CCNL2: variants seen among roughly 807,000 people sequenced by gnomAD.
The protein encoded by CCNL2 is cyclin L2.
Under a neutral mutation model 59.1 loss-of-function variants are expected in CCNL2, and 28 were observed. That is an observed-to-expected ratio of 0.47 (90% CI 0.35 to 0.65). The LOEUF (loss-of-function observed/expected upper bound fraction) is 0.65. Among genes scored for constraint, CCNL2 ranks in the 30% least tolerant of loss-of-function variants. The pLI is 0.00. For missense variants in CCNL2, 714 were observed against 717.4 expected (o/e 1.00, Z 0.05); for synonymous variants, 342 against 288.6 (o/e 1.19, Z -1.88).
At chr1:1,397,683 A>C (rs144609289) in intron 3 of CCNL2, among the ~76,000 whole-genome samples, 2 of 152,252 alleles carry the variant, frequency 1.3e-5, no homozygotes, top group African/African-American at 4.8e-5. Context: ...GCAACACAGC[A>C]TGACCCCATC....
In CCNL2 at chr1:1,387,053, T is replaced by G. The variant is rs559498424; in HGVS notation, c.*178A>C. The G allele has an allele frequency of 1.7e-6, 1 of 581,742 alleles. No individual in the cohort carries two copies. Among genetic ancestry groups the G allele is most frequent in the Admixed American group, 3.0e-5 (1 of 32,898 alleles). The allele number at this position is 581,742 out of a possible 1,614,324, so 36.0% of individuals were successfully genotyped here. The stretch of plus-strand genomic sequence containing the variant: ...AAGCACGTGTCACCGGTCCCTCAGT[T>G]CCATTTCCAAATCCACCAAGGTCCA... On this transcript the variant is annotated 3_prime_UTR_variant, in exon 11 of 11. Transcript: ENST00000400809.
At chr1:1,391,035 C>G in intron 5 of CCNL2, 170 bp from the exon 6 acceptor site, 2 of 934,936 alleles carry the variant, frequency 2.1e-6, no homozygotes, top group South Asian at 4.3e-5. Context: ...GAGAAATATT[C>G]TAGCTGCTTT....
chr1:1,388,143 G>A (rs1328026429), intron 8 of CCNL2, 78 bp from the exon 9 acceptor site: 2 of 1,195,512 alleles, frequency 1.7e-6, no homozygotes. Flanking sequence ...AGCGAGATAA[G>A]GCCCCTCTAC....
At chr1:1,394,275 C>T (rs1644898503) in intron 4 of CCNL2, among the ~76,000 whole-genome samples, 1 of 152,098 alleles carries the variant, frequency 6.6e-6, no homozygotes, top group Non-Finnish European at 1.5e-5. Context: ...AAAACAAGTG[C>T]TTTGTTTCCA....
In CCNL2 at chr1:1,392,564, A is replaced by C. The variant is rs951103306; in HGVS notation, c.659+832T>G. ...TTTTAAAGGGACAAAATTCAAGTCAAGACAGTTACCAACTCTAATCAATAC... is the reference window on the plus strand; with the variant it reads ...TTTTAAAGGGACAAAATTCAAGTCACGACAGTTACCAACTCTAATCAATAC... On this transcript the variant is annotated intron_variant, in intron 5 of 10. Transcript: ENST00000400809. 5.0e-6 allele frequency: 7 copies of C among 1,402,514 alleles called. No individual in the cohort carries two copies. The Admixed American group carries it at 2.2e-4, about 45-fold the overall frequency. The allele number at this position is 1,402,514 out of a possible 1,614,324, so 86.9% of individuals were successfully genotyped here. A position where few individuals can be genotyped will look rare whatever the true frequency, so the allele number is the denominator to read the frequency against.
rs1036641676 is a variant in CCNL2 at position 1,387,123 on chromosome 1, C to T, written c.*108G>A. ...AAGAATCCTGTTCTAGGACCACTTG[C>T]GCTGAGAGCACACCCGGGGGTCAAA... On this transcript the variant is annotated 3_prime_UTR_variant, in exon 11 of 11. Coordinates refer to ENST00000400809, the MANE Select transcript of CCNL2 (RefSeq NM_030937.6). The T allele has an allele frequency of 1.0e-4, 83 of 813,240 alleles. No individual in the cohort carries two copies. The highest frequency in any genetic ancestry group is 2.0e-4 in the East Asian group (8 of 40,632). 50.4% of individuals were successfully genotyped at this position (813,240 alleles called of 1,614,324 possible).
intron 3 of CCNL2, among the ~76,000 whole-genome samples, chr1:1,397,101 C>T (rs574675866): frequency 6.6e-6 from 1 of 152,126 alleles, no homozygotes; most frequent in Non-Finnish European, 1.5e-5. Flanking sequence ...AGGCTGGTCT[C>T]GAACTCCTGA....
At position 1,399,226 on chromosome 1, in the gene CCNL2, G is replaced by A. The variant is rs758244726; in HGVS notation, c.81C>T (p.Gly27=). The A allele has an allele frequency of 3.8e-6, 6 of 1,597,956 alleles. No individual in the cohort carries two copies. In the South Asian group the frequency reaches 5.6e-5, roughly 15 times the overall value. ...AAAAGAPGSG[G]APSGSQGVLI... ...GCACCCCCTGCGACCCTGAGGGTGC[G>A]CCCCCAGATCCCGGGGCGCCGGCCG... The change falls in exon 1 of 11, where the codon GGC becomes GGT. Residue 27 remains glycine (G), a synonymous_variant. Coordinates refer to ENST00000400809, the MANE Select transcript of CCNL2 (RefSeq NM_030937.6).
chr1:1,391,363 T>C, intron 5 of CCNL2: 1 of 1,169,560 alleles, frequency 8.6e-7, no homozygotes, highest in South Asian at 1.7e-5. Context: ...CTTGGGTTCC[T>C]CTTCCTCTTC....
At chr1:1,396,775 G>C (rs1645056723) in intron 3 of CCNL2, among the ~76,000 whole-genome samples, 2 of 146,574 alleles carry the variant, frequency 1.4e-5, no homozygotes, top group African/African-American at 5.1e-5. Flanking sequence ...TTGAGACGGA[G>C]TCTTGCTCTG....
intron 5 of CCNL2, chr1:1,392,648 G>A (rs1644819853): frequency 2.0e-6 from 3 of 1,488,300 alleles, no homozygotes. Context: ...AACCACAGCA[G>A]GAGTCGGCCA....
At chr1:1,392,964 C>T in intron 5 of CCNL2, 1 of 725,622 alleles carries the variant, frequency 1.4e-6, no homozygotes, top group Non-Finnish European at 2.3e-6. Flanking sequence ...TACTACATTG[C>T]ACTTTAGGGT....
Position 1,399,000 on chromosome 1 carries a change from C to T in CCNL2, c.288+19G>A, listed in dbSNP as rs1557740557. 7 of 1,579,086 alleles carry T rather than the reference C, an allele frequency of 4.4e-6. 1 individual carries two copies. The South Asian group carries it at 4.5e-5, about 10-fold the overall frequency. ...CCCCAGCGGTTACCTGGGCCGGAGG[C>T]TCGCGGCCGCGCCCTCACCTGCGGC... On this transcript the variant is annotated intron_variant, in intron 1 of 10. Transcript: ENST00000400809.
chr1:1,390,213 C>A lies in CCNL2; in HGVS notation c.1006+17G>T. The A allele has an allele frequency of 6.3e-7, 1 of 1,589,848 alleles. No individual in the cohort carries two copies. On this transcript the variant is annotated intron_variant, in intron 8 of 10. Transcript: ENST00000400809. ...TGCCTTTGTGGGGAGTGGATTCCTGCACTCTAACAGACTCACCCAGCTTGG... is the reference window on the plus strand; with the variant it reads ...TGCCTTTGTGGGGAGTGGATTCCTGAACTCTAACAGACTCACCCAGCTTGG...
chr1:1,388,567 C>G (rs149870149), intron 8 of CCNL2: 137 of 20,356 alleles, frequency 6.7e-3, no homozygotes, highest in Middle Eastern at 0.017. Context: ...GAGTGTGTGT[C>G]TCTCTCTCTC....
rs557189440 is a variant in CCNL2 at position 1,392,712 on chromosome 1, T to C, written c.659+684A>G. The stretch of plus-strand genomic sequence containing the variant: ...TAGAGCCAGCCTTCGGTGGAGAGCC[T>C]GCACTGGATTGGCTGAAGATGCCGC... On this transcript the variant is annotated intron_variant, in intron 5 of 10. Coordinates refer to ENST00000400809, the MANE Select transcript of CCNL2 (RefSeq NM_030937.6). The C allele has an allele frequency of 1.4e-5, 22 of 1,588,806 alleles. No homozygotes were observed. The South Asian group carries it at 2.2e-4, about 16-fold the overall frequency.
At chr1:1,398,552 C>T (rs372676206) in intron 2 of CCNL2, 45 bp downstream of exon 2, 4 of 1,599,666 alleles carry the variant, frequency 2.5e-6, no homozygotes, top group Non-Finnish European at 3.4e-6. Flanking sequence ...ACCGTTTTAC[C>T]CTCAACATAC....
intron 4 of CCNL2, among the ~76,000 whole-genome samples, chr1:1,393,784 G>C (rs955338600): frequency 2.6e-5 from 4 of 152,180 alleles, no homozygotes; most frequent in Non-Finnish European, 5.9e-5. Flanking sequence ...CTGTATCCCA[G>C]TTAACAACTC....
In CCNL2 at chr1:1,385,925, G is replaced by C. The variant is rs1473046585; in HGVS notation, c.*1306C>G. 2 of 151,512 alleles carry C rather than the reference G, an allele frequency of 1.3e-5. No homozygotes were observed. Among genetic ancestry groups the C allele is most frequent in the African/African-American group, 4.8e-5 (2 of 41,256 alleles). The allele number at this position is 151,512 out of a possible 1,614,324, so 9.4% of individuals were successfully genotyped here. A position where few individuals can be genotyped will look rare whatever the true frequency, so the allele number is the denominator to read the frequency against. ...CCTCAGTTCCCCAATTCTGAGGGGGGGTCCCACCAGCTATCTAATGCAGGA... is the reference window on the plus strand; with the variant it reads ...CCTCAGTTCCCCAATTCTGAGGGGGCGTCCCACCAGCTATCTAATGCAGGA... On this transcript the variant is annotated 3_prime_UTR_variant, in exon 11 of 11. Coordinates refer to ENST00000400809, the MANE Select transcript of CCNL2 (RefSeq NM_030937.6).
Sources: allele counts gnomAD v4.1 joint callset (sites outside exome capture counted in the v4.1 genomes callset), GRCh38; gene constraint gnomAD v4.1.1; transcripts MANE v1.5; gene names NCBI Gene and HGNC (gene_info 2026-07-23, HGNC 2026-07-21).